ZSCAN1: variants seen among roughly 807,000 people sequenced by gnomAD.
The protein encoded by ZSCAN1 is zinc finger and SCAN domain containing 1.
A neutral mutation model predicts 23.8 loss-of-function variants in ZSCAN1; 23 were observed. The ratio of observed to expected loss-of-function variants is 0.97; its 90% CI spans 0.70 to 1.37. ZSCAN1 has a LOEUF of 1.37. Among genes scored for constraint, ZSCAN1 ranks in the 40% most tolerant of loss-of-function variants. ZSCAN1 has a pLI of 0.00. For synonymous variants in ZSCAN1, 236 were observed against 232.3 expected, an observed-to-expected ratio of 1.02 and a Z score of -0.15; for missense variants, 575 against 554.0, an observed-to-expected ratio of 1.04 and a Z score of -0.38.
rs1260813235 is a variant in ZSCAN1, at chr19:58,053,495, C to G, written c.671C>G (p.Pro224Arg). 6.2e-7 allele frequency: 1 copy of G among 1,614,120 alleles called. No individual in the cohort carries two copies. The highest frequency in any genetic ancestry group is 2.2e-5 in the East Asian group (1 of 44,876). The change falls in exon 6 of 6, where the codon CCC becomes CGC. Residue 224 changes from proline (P) to arginine (R), a missense_variant. Coordinates refer to ENST00000282326, the MANE Select transcript of ZSCAN1 (RefSeq NM_182572.4). The surrounding 1 kb of genome is among the most constrained non-coding windows in gnomAD (Gnocchi z 5.8). ...WDEPEDLLAG[P>R]SSDLRAEGTV... ...GAGCCTGAGGACCTTCTCGCAGGGC[C>G]CTCCTCAGACCTGCGGGCAGAAGGG...
chr19:58,048,577 T>A (rs2073840479), intron 4 of ZSCAN1, among the ~76,000 whole-genome samples: 1 of 152,230 alleles, frequency 6.6e-6, no homozygotes, highest in African/African-American at 2.4e-5. Flanking sequence ...CCTCCTGGGT[T>A]CAAATGATTC....
rs565177349 is a variant in ZSCAN1, at chr19:58,049,327, C to A, written c.466-3163C>A. On this transcript the variant is annotated intron_variant, in intron 4 of 5. Coordinates refer to ENST00000282326, the MANE Select transcript of ZSCAN1 (RefSeq NM_182572.4). The surrounding 1 kb of genome is among the most constrained non-coding windows in gnomAD (Gnocchi z 4.5). ...GTTTTAACTGTGCAATCTGCAACTTCCCTAAGTCAAGACACATCGTCAGAT... is the reference window on the plus strand; with the variant it reads ...GTTTTAACTGTGCAATCTGCAACTTACCTAAGTCAAGACACATCGTCAGAT... 1 of 152,418 alleles carries A rather than the reference C, an allele frequency of 6.6e-6. No individual in the cohort carries two copies. Among genetic ancestry groups the A allele is most frequent in the Admixed American group, 6.5e-5 (1 of 15,298 alleles). The allele number at this position is 152,418 out of a possible 1,614,324, so 9.4% of individuals were successfully genotyped here.
Position 58,045,681 on chromosome 19 carries a change from C to G in ZSCAN1, c.465+5137C>G. 1.1e-6 allele frequency: 1 copy of G among 927,284 alleles called. No individual in the cohort carries two copies. 57.4% of individuals were successfully genotyped at this position (927,284 alleles called of 1,614,324 possible). ...AGGAAGGGGTGGACAGCCTGAACGT[C>G]AAGGAGCTGCAGGCGGCATGTCGGG... On this transcript the variant is annotated intron_variant, in intron 4 of 5. Transcript: ENST00000282326. The surrounding 1 kb of genome is among the most constrained non-coding windows in gnomAD (Gnocchi z 4.3).
Position 58,045,502 on chromosome 19 carries a change from GT to G in ZSCAN1, c.465+4963del. 5 of 1,395,736 alleles carry G rather than the reference GT, an allele frequency of 3.6e-6. No homozygotes were observed. Among genetic ancestry groups the G allele is most frequent in the Non-Finnish European group, 5.1e-6 (5 of 981,090 alleles). The allele number at this position is 1,395,736 out of a possible 1,614,324, so 86.5% of individuals were successfully genotyped here. ...AGGCCCAGCAATGAGGAAATCATGG[GT>G]TTTTCCAAATTATTTGAGGATGAGC... On this transcript the variant is annotated intron_variant, in intron 4 of 5. Coordinates refer to ENST00000282326, the MANE Select transcript of ZSCAN1 (RefSeq NM_182572.4). The surrounding 1 kb of genome is among the most constrained non-coding windows in gnomAD (Gnocchi z 4.3).
chr19:58,042,263 C>CT lies in ZSCAN1; in HGVS notation c.465+1733dup, dbSNP rs1011122770. Reference sequence around the variant, plus strand: ...TCTTTGAAGAGGAACTTCTACTTTACTTTTTTTTTTTTTTAATGGAGTCTT... The same window carrying CT: ...TCTTTGAAGAGGAACTTCTACTTTACTTTTTTTTTTTTTTTAATGGAGTCTT... On this transcript the variant is annotated intron_variant, in intron 4 of 5. Coordinates refer to ENST00000282326, the MANE Select transcript of ZSCAN1 (RefSeq NM_182572.4). Among the ~76,000 whole-genome samples the CT allele has an allele frequency of 6.0e-3, 840 of 140,052 alleles. 3 individuals are homozygous for CT. Among genetic ancestry groups the CT allele is most frequent in the African/African-American group, 0.014 (543 of 38,352 alleles). 91.9% of individuals were successfully genotyped at this position (140,052 alleles called of 152,430 possible).
Position 58,040,388 on chromosome 19 carries a change from C to T in ZSCAN1, c.371-62C>T. On this transcript the variant is annotated intron_variant, in intron 3 of 5. Coordinates refer to ENST00000282326, the MANE Select transcript of ZSCAN1 (RefSeq NM_182572.4). The surrounding 1 kb of genome is among the most constrained non-coding windows in gnomAD (Gnocchi z 5.8). Reference sequence around the variant, plus strand: ...GGGAAAGTCTGCCCTCCCCAGAAGGCCTGGAGAATTGGGGGCTCTGGGAAG... The same window carrying T: ...GGGAAAGTCTGCCCTCCCCAGAAGGTCTGGAGAATTGGGGGCTCTGGGAAG... 6.4e-7 allele frequency: 1 copy of T among 1,565,666 alleles called. No homozygotes were observed. The highest frequency in any genetic ancestry group is 8.8e-7 in the Non-Finnish European group (1 of 1,138,136).
intron 4 of ZSCAN1, chr19:58,046,476 C>T: frequency 1.2e-6 from 1 of 853,352 alleles, no homozygotes; most frequent in Non-Finnish European, 2.1e-6. Context: ...TGGCCCCGGC[C>T]AAGGGCGTGC....
intron 4 of ZSCAN1, among the ~76,000 whole-genome samples, chr19:58,050,090 T>TG (rs1491326879): frequency 1.9e-5 from 2 of 105,374 alleles, no homozygotes; most frequent in African/African-American, 5.6e-5. Context: ...CACTCTTTCC[T>TG]TTTTTTTTTT....
intron 4 of ZSCAN1, among the ~76,000 whole-genome samples, chr19:58,042,834 G>T (rs1426959617): frequency 6.6e-6 from 1 of 152,238 alleles, no homozygotes; most frequent in Non-Finnish European, 1.5e-5. Flanking sequence ...AGGCTGCTGA[G>T]GTCCTCCCAC....
Position 58,045,232 on chromosome 19 carries a change from T to C in ZSCAN1, c.465+4688T>C, listed in dbSNP as rs2073817491. 7.3e-6 allele frequency: 6 copies of C among 816,960 alleles called. No homozygotes were observed. The highest frequency in any genetic ancestry group is 1.3e-5 in the Non-Finnish European group (6 of 452,792). The allele number at this position is 816,960 out of a possible 1,614,324, so 50.6% of individuals were successfully genotyped here. A position where few individuals can be genotyped will look rare whatever the true frequency, so the allele number is the denominator to read the frequency against. ...CGCCTGGTGCCGTTCCTCCTGTTCGTGGTGGTGCCGTTCGTGGAGTTTCTG... is the reference window on the plus strand; with the variant it reads ...CGCCTGGTGCCGTTCCTCCTGTTCGCGGTGGTGCCGTTCGTGGAGTTTCTG... On this transcript the variant is annotated intron_variant, in intron 4 of 5. Coordinates refer to ENST00000282326, the MANE Select transcript of ZSCAN1 (RefSeq NM_182572.4). The surrounding 1 kb of genome is among the most constrained non-coding windows in gnomAD (Gnocchi z 4.3).
At position 58,040,553 on chromosome 19, in the gene ZSCAN1, G is replaced by A. The variant is rs894506145; in HGVS notation, c.465+9G>A. 10 of 1,612,640 alleles carry A rather than the reference G, an allele frequency of 6.2e-6. No individual in the cohort carries two copies. In the African/African-American group the frequency reaches 1.1e-4, roughly 17 times the overall value. ...AGAAAGAACCATCGCAGGTGAGCCC[G>A]GGGCCCCCAGCTCCGTGCTCCTGCA... On this transcript the variant is annotated intron_variant, in intron 4 of 5. Coordinates refer to ENST00000282326, the MANE Select transcript of ZSCAN1 (RefSeq NM_182572.4). The surrounding 1 kb of genome is among the most constrained non-coding windows in gnomAD (Gnocchi z 5.8).
chr19:58,038,283 C>G (rs537093117), intron 3 of ZSCAN1, 77 bp downstream of exon 3: 1 of 1,522,782 alleles, frequency 6.6e-7, no homozygotes, highest in East Asian at 2.4e-5. Context: ...CCCTCCTTCC[C>G]GCCCACATCG....
At chr19:58,041,840 C>T (rs1046436050) in intron 4 of ZSCAN1, among the ~76,000 whole-genome samples, 1 of 152,196 alleles carries the variant, frequency 6.6e-6, no homozygotes, top group Non-Finnish European at 1.5e-5. Context: ...CATGTTTCTA[C>T]ACTCCAGCCT....
downstream of ZSCAN1, among the ~76,000 whole-genome samples, chr19:58,056,259 T>G (rs1293139088): frequency 6.6e-6 from 1 of 152,226 alleles, no homozygotes; most frequent in East Asian, 1.9e-4. Context: ...TTTGTGGCCC[T>G]GCTGCCTCCA....
chr19:58,034,744 A>C (rs2073721950), intron 1 of ZSCAN1, among the ~76,000 whole-genome samples: 1 of 47,828 alleles, frequency 2.1e-5, no homozygotes. Flanking sequence ...TCCCCCACCC[A>C]ATCACCCCAC....
chr19:58,044,658 C>T (rs2073812455), intron 4 of ZSCAN1: 4 of 901,244 alleles, frequency 4.4e-6, no homozygotes, highest in South Asian at 2.8e-5. Flanking sequence ...CCTCGGGTCA[C>T]CGCCCCGCGG....
Position 58,040,126 on chromosome 19 carries a change from G to A in ZSCAN1, c.371-324G>A, listed in dbSNP as rs2073775824. ...CACTCTGTGCACACAGCCCCGGGGG[G>A]CTTGGGGAGCAGAGGGCTCACAGTG... On this transcript the variant is annotated intron_variant, in intron 3 of 5. Transcript: ENST00000282326. The surrounding 1 kb of genome is among the most constrained non-coding windows in gnomAD (Gnocchi z 5.8). Among the ~76,000 whole-genome samples the A allele has an allele frequency of 6.6e-6, 1 of 152,214 alleles. No homozygotes were observed. The highest frequency in any genetic ancestry group is 2.1e-4 in the South Asian group (1 of 4,834).
At chr19:58,052,125 C>T (rs1038236558) in intron 4 of ZSCAN1, among the ~76,000 whole-genome samples, 1 of 152,260 alleles carries the variant, frequency 6.6e-6, no homozygotes, top group Non-Finnish European at 1.5e-5. Flanking sequence ...CTGGCTCCAT[C>T]TAATGCTCTG....
At position 58,039,564 on chromosome 19, in the gene ZSCAN1, C is replaced by T. The variant is rs1055037896; in HGVS notation, c.371-886C>T. Among the ~76,000 whole-genome samples the T allele has an allele frequency of 3.3e-5, 5 of 152,134 alleles. No homozygotes were observed. In the South Asian group the frequency reaches 6.2e-4, roughly 19 times the overall value. Reference sequence around the variant, plus strand: ...GCAGGCGGATCACAAGGCAGGAGTTCGAGACTAGCCTGGCCAACATGGTGA... The same window carrying T: ...GCAGGCGGATCACAAGGCAGGAGTTTGAGACTAGCCTGGCCAACATGGTGA... On this transcript the variant is annotated intron_variant, in intron 3 of 5. Transcript: ENST00000282326.
Sources: gnomAD v4.1 joint callset for allele counts (sites outside exome capture counted in the v4.1 genomes callset) on GRCh38, gnomAD v4.1.1 for gene constraint, Gnocchi (gnomAD v3.1) non-coding constraint, MANE v1.5 for transcripts, NCBI Gene and HGNC (gene_info 2026-07-23, HGNC 2026-07-21) for gene names.